CBFA2T3: variants seen among roughly 807,000 people sequenced by gnomAD.
The protein encoded by CBFA2T3 is transcriptional corepressor CBFA2T3.
Under a neutral mutation model 58.6 loss-of-function variants are expected in CBFA2T3, and 31 were observed. The ratio of observed to expected loss-of-function variants is 0.53; its 90% CI spans 0.40 to 0.71. CBFA2T3 has a LOEUF of 0.71. Among genes scored for constraint, CBFA2T3 ranks in the 30% least tolerant of loss-of-function variants. The pLI, the probability that CBFA2T3 is intolerant of heterozygous loss-of-function variation, is 0.00. For synonymous variants in CBFA2T3, 531 were observed against 421.9 expected, an observed-to-expected ratio of 1.26 and a Z score of -3.17; for missense variants, 1,076 against 963.1, an observed-to-expected ratio of 1.12 and a Z score of -1.55.
chr16:88,888,913 C>T (rs1167680256), intron 5 of CBFA2T3, among the ~76,000 whole-genome samples: 1 of 151,794 alleles, frequency 6.6e-6, no homozygotes, highest in East Asian at 2.0e-4. Flanking sequence ...CTCACGAGAG[C>T]CGGGCCGCGG....
intron 1 of CBFA2T3, among the ~76,000 whole-genome samples, chr16:88,917,398 A>C (rs1270942273): frequency 6.6e-6 from 1 of 152,208 alleles, no homozygotes. Context: ...TGCTGGGGAC[A>C]GGCAGGTCAC....
intron 1 of CBFA2T3, among the ~76,000 whole-genome samples, chr16:88,965,641 G>A (rs971420114): frequency 1.3e-4 from 20 of 152,180 alleles, no homozygotes; most frequent in Admixed American, 7.9e-4. Flanking sequence ...GTGAGGTTGC[G>A]GGGTGCAGCT....
intron 1 of CBFA2T3, among the ~76,000 whole-genome samples, chr16:88,915,271 C>T (rs1466530128): frequency 2.7e-4 from 5 of 18,650 alleles, no homozygotes; most frequent in Non-Finnish European, 5.1e-4. Flanking sequence ...GGGTGGGTCG[C>T]GGGGTGGGGA....
intron 1 of CBFA2T3, chr16:88,941,865 G>T (rs1219511424): frequency 6.7e-6 from 1 of 148,532 alleles, no homozygotes; most frequent in Non-Finnish European, 1.5e-5. Flanking sequence ...GGGTGTGGGG[G>T]GGGTGGGGAG....
In CBFA2T3 at chr16:88,876,279, TTAACA is replaced by T. The variant is rs1331875543; in HGVS notation, c.*692_*696del. ...GGATTTTTACTTAAAGCCAAAGAGT[TTAACA>T]TTACAGGAAAAAAAAATCTGAAACC... On this transcript the variant is annotated 3_prime_UTR_variant, in exon 12 of 12. Coordinates refer to ENST00000268679, the MANE Select transcript of CBFA2T3 (RefSeq NM_005187.6). 4.4e-6 allele frequency: 1 copy of T among 228,418 alleles called. No individual in the cohort carries two copies. The highest frequency in any genetic ancestry group is 8.7e-6 in the Non-Finnish European group (1 of 114,986). The allele number at this position is 228,418 out of a possible 1,614,324, so 14.1% of individuals were successfully genotyped here.
chr16:88,893,430 T>A (rs1047011830), intron 3 of CBFA2T3, among the ~76,000 whole-genome samples: 1 of 152,062 alleles, frequency 6.6e-6, no homozygotes, highest in East Asian at 1.9e-4. Flanking sequence ...CTCCCAGCCA[T>A]GAGCAATGTC....
intron 1 of CBFA2T3, among the ~76,000 whole-genome samples, chr16:88,970,716 T>C (rs1277533432): frequency 1.3e-5 from 2 of 152,196 alleles, no homozygotes; most frequent in African/African-American, 4.8e-5. Flanking sequence ...CACGGAGGCC[T>C]CGCCTCGCCT....
intron 1 of CBFA2T3, among the ~76,000 whole-genome samples, chr16:88,914,541 G>C (rs1970629164): frequency 1.3e-5 from 2 of 152,356 alleles, no homozygotes; most frequent in Middle Eastern, 3.4e-3. Flanking sequence ...TGTGATCGTG[G>C]TTGCCGGGCA....
At chr16:88,914,815 GC>G (rs1461440070) in intron 1 of CBFA2T3, among the ~76,000 whole-genome samples, 2 of 152,210 alleles carry the variant, frequency 1.3e-5, no homozygotes, top group Non-Finnish European at 1.5e-5. Context: ...TCCCCAAAGG[GC>G]CGCAAATGGG....
At chr16:88,905,125 A>AAGG (rs898953791) in intron 1 of CBFA2T3, among the ~76,000 whole-genome samples, 5 of 152,176 alleles carry the variant, frequency 3.3e-5, no homozygotes, top group African/African-American at 1.2e-4. Flanking sequence ...GGGACCTGGG[A>AAGG]AGGAGGGGGG....
chr16:88,892,626 G>A (rs1158364332), intron 3 of CBFA2T3, 141 bp from the exon 4 acceptor site: 3 of 1,022,786 alleles, frequency 2.9e-6, no homozygotes, highest in East Asian at 2.4e-5. Context: ...GGACAGTAGC[G>A]CTGAGGATGA....
At position 88,892,400 on chromosome 16, in the gene CBFA2T3, C is replaced by A; in HGVS notation, c.465G>T (p.Ser155=). ...PNGFSNGPAT[S]STASLSTQHL... is the part of the protein sequence containing the mutation. ...GCTGTGTGGACAAGGAGGCTGTGGA[C>A]GAGGTGGCCGGGCCATTGCTGAAGC... Residue 155 remains serine (S), a synonymous_variant, in exon 4 of 12, where the codon TCG becomes TCT. Coordinates refer to ENST00000268679, the MANE Select transcript of CBFA2T3 (RefSeq NM_005187.6). The A allele has an allele frequency of 3.1e-6, 5 of 1,613,542 alleles. No individual in the cohort carries two copies. Among genetic ancestry groups the A allele is most frequent in the Non-Finnish European group, 4.2e-6 (5 of 1,180,018 alleles).
At chr16:88,900,496 G>A (rs1392060380) in intron 2 of CBFA2T3, among the ~76,000 whole-genome samples, 3 of 152,244 alleles carry the variant, frequency 2.0e-5, no homozygotes, top group East Asian at 1.9e-4. Context: ...CAGTCGTGAC[G>A]TAAAGGGACT....
At chr16:88,887,408 C>T (rs1013734129) in intron 5 of CBFA2T3, among the ~76,000 whole-genome samples, 7 of 152,112 alleles carry the variant, frequency 4.6e-5, no homozygotes, top group Admixed American at 6.5e-5. Context: ...ACCGGCTGGT[C>T]GCTGTTAGGG....
chr16:88,896,948 C>A (rs1969909691), intron 3 of CBFA2T3, among the ~76,000 whole-genome samples: 1 of 152,244 alleles, frequency 6.6e-6, no homozygotes, highest in Admixed American at 6.5e-5. Flanking sequence ...ATAACCCCGG[C>A]ACAAGCGCTT....
intron 1 of CBFA2T3, among the ~76,000 whole-genome samples, chr16:88,971,610 T>C (rs1281627331): frequency 1.2e-4 from 18 of 152,228 alleles, no homozygotes; most frequent in Non-Finnish European, 2.1e-4. Context: ...GAGAACTTCA[T>C]TGGCGCCTGC....
intron 1 of CBFA2T3, among the ~76,000 whole-genome samples, chr16:88,949,546 C>G (rs897765720): frequency 6.9e-6 from 1 of 144,882 alleles, no homozygotes; most frequent in African/African-American, 2.6e-5. Context: ...GGTGACAGAG[C>G]GAGACTCTGT....
intron 10 of CBFA2T3, 130 bp downstream of exon 10, chr16:88,880,590 A>G (rs1969028228): frequency 8.0e-6 from 6 of 752,266 alleles, no homozygotes; most frequent in Non-Finnish European, 1.3e-5. Flanking sequence ...ACACAGCGGA[A>G]TGCAGAAAGC....
At chr16:88,906,369 G>A (rs185943350) in intron 1 of CBFA2T3, among the ~76,000 whole-genome samples, 3 of 152,298 alleles carry the variant, frequency 2.0e-5, no homozygotes, top group Non-Finnish European at 2.9e-5. Context: ...CCACGGCTGC[G>A]AACCACACAG....
Sources: allele counts gnomAD v4.1 joint callset (sites outside exome capture counted in the v4.1 genomes callset), GRCh38; gene constraint gnomAD v4.1.1; transcripts MANE v1.5; gene names NCBI Gene and HGNC (gene_info 2026-07-23, HGNC 2026-07-21).